The following TCERG1 variants were observed in gnomAD, a reference collection of about 807,000 sequenced individuals.
The protein encoded by TCERG1 is transcription elongation regulator 1, also known as TATA box binding protein (TBP)-associated factor, RNA polymerase II, S, 150kD.
Under a neutral mutation model 144.7 loss-of-function variants are expected in TCERG1, and 37 were observed. That is an observed-to-expected ratio of 0.26 (90% CI 0.20 to 0.34). The LOEUF is 0.34. TCERG1 is among the 10% of genes least tolerant of loss of function. TCERG1 has a pLI of 1.00. For synonymous variants in TCERG1, 492 were observed against 458.2 expected (o/e 1.07, Z -0.94); for missense variants, 1,027 against 1,380.7 (o/e 0.74, Z 4.06).
At position 146,503,942 on chromosome 5, in the gene TCERG1, G is replaced by A. The variant is rs1405826105; in HGVS notation, c.2717G>A (p.Arg906Gln). The A allele has an allele frequency of 1.9e-6, 3 of 1,610,424 alleles. No individual in the cohort carries two copies. Among genetic ancestry groups the A allele is most frequent in the Non-Finnish European group, 2.5e-6 (3 of 1,178,470 alleles). Residue 906 changes from arginine to glutamine, a missense_variant, in exon 19 of 23, where the codon CGA becomes CAA. Around this residue, in one of 6 missense-constraint regions of TCERG1, gnomAD observed 133 missense variants for 283.2 expected, o/e 0.47. Transcript: ENST00000679501. ...TCAGAACAAACAAAAGAAATAGATCGAGAGAGAGAGCAGCACAAACGAGAA... is the reference window on the plus strand; with the variant it reads ...TCAGAACAAACAAAAGAAATAGATCAAGAGAGAGAGCAGCACAAACGAGAA... ...ARSEQTKEID[R>Q]EREQHKREEA...
chr5:146,471,708 C>T lies in TCERG1; in HGVS notation c.1601+132C>T, dbSNP rs1581445880. The T allele has an allele frequency of 3.8e-5, 22 of 583,206 alleles. No individual in the cohort carries two copies. In the East Asian group the frequency reaches 6.6e-4, roughly 17 times the overall value. 36.1% of individuals were successfully genotyped at this position (583,206 alleles called of 1,614,324 possible). A position where few individuals can be genotyped will look rare whatever the true frequency, so the allele number is the denominator to read the frequency against. ...CCACCTCCCTAGTTCAAGCGATTCT[C>T]CTGCCTCAGCTTCCCGAATAGCTGG... On this transcript the variant is annotated intron_variant, in intron 9 of 22. Coordinates refer to ENST00000679501, the MANE Select transcript of TCERG1 (RefSeq NM_001382548.1).
At chr5:146,457,885 T>G (rs1015375149) in intron 3 of TCERG1, among the ~76,000 whole-genome samples, 1 of 152,248 alleles carries the variant, frequency 6.6e-6, no homozygotes, top group Non-Finnish European at 1.5e-5. Context: ...AGTTTCACCC[T>G]GTCGCCCAGG....
chr5:146,447,452 C>G (rs751311186), intron 1 of TCERG1, 44 bp downstream of exon 1: 25 of 1,591,572 alleles, frequency 1.6e-5, no homozygotes, highest in Admixed American at 1.2e-4. Context: ...CACGAGAGCC[C>G]CAGAGGCTAG....
intron 5 of TCERG1, among the ~76,000 whole-genome samples, 179 bp downstream of exon 5, chr5:146,463,972 G>C (rs1049664409): frequency 6.6e-6 from 1 of 151,908 alleles, no homozygotes; most frequent in Non-Finnish European, 1.5e-5. Flanking sequence ...TCCTTTTTTT[G>C]TTGTTGTTTA....
chr5:146,504,218 T>A (rs1329852864), intron 19 of TCERG1: 1 of 400,238 alleles, frequency 2.5e-6, no homozygotes, highest in Non-Finnish European at 4.3e-6. Flanking sequence ...GCATTTTGCA[T>A]ATATGGAAAG....
intron 1 of TCERG1, among the ~76,000 whole-genome samples, chr5:146,453,962 C>G (rs1371710728): frequency 6.6e-6 from 1 of 150,954 alleles, no homozygotes; most frequent in African/African-American, 2.4e-5. Flanking sequence ...CTTTGGGAGG[C>G]CGAGGAGGGC....
chr5:146,489,320 C>T (rs1766171237), intron 15 of TCERG1, among the ~76,000 whole-genome samples: 1 of 152,082 alleles, frequency 6.6e-6, no homozygotes, highest in Admixed American at 6.6e-5. Context: ...ACAGTAACCC[C>T]ATGAATATGT....
intron 3 of TCERG1, among the ~76,000 whole-genome samples, chr5:146,458,621 G>A (rs1262318921): frequency 6.6e-6 from 1 of 151,758 alleles, no homozygotes; most frequent in Non-Finnish European, 1.5e-5. Flanking sequence ...TACAGATGCC[G>A]GCCACCACAC....
At chr5:146,454,765 T>G (rs1258700660) in intron 1 of TCERG1, among the ~76,000 whole-genome samples, 1 of 151,990 alleles carries the variant, frequency 6.6e-6, no homozygotes, top group Non-Finnish European at 1.5e-5. Flanking sequence ...ACCTGGCTGA[T>G]TTTTGTATTT....
intron 16 of TCERG1, among the ~76,000 whole-genome samples, chr5:146,498,280 G>T (rs192456616): frequency 2.0e-5 from 3 of 151,696 alleles, no homozygotes; most frequent in Admixed American, 2.0e-4. Context: ...TTTACTCTGT[G>T]ATCTCTTTCT....
intron 1 of TCERG1, among the ~76,000 whole-genome samples, chr5:146,448,165 T>C (rs1184620161): frequency 2.0e-5 from 3 of 152,178 alleles, no homozygotes; most frequent in Non-Finnish European, 2.9e-5. Flanking sequence ...ACAGGTGAGA[T>C]AACAGCCTCG....
intron 1 of TCERG1, among the ~76,000 whole-genome samples, chr5:146,447,748 C>G (rs1762001202): frequency 6.6e-6 from 1 of 152,228 alleles, no homozygotes; most frequent in Admixed American, 6.5e-5. Flanking sequence ...CGACCTGAGT[C>G]TGTCCCCAGG....
At chr5:146,501,791 ACAGCCAATTAG>A (rs544324384) in intron 17 of TCERG1, among the ~76,000 whole-genome samples, 298 of 152,258 alleles carry the variant, frequency 2.0e-3, no homozygotes, top group Non-Finnish European at 3.5e-3. Context: ...GGAGAAATCC[ACAGCCAATTAG>A]CTGTTGTCTT....
At position 146,478,622 on chromosome 5, in the gene TCERG1, T is replaced by A. The variant is rs1482343318; in HGVS notation, c.1731T>A (p.His577Gln). The A allele has an allele frequency of 6.2e-7, 1 of 1,602,348 alleles. No homozygotes were observed. The highest frequency in any genetic ancestry group is 1.1e-5 in the South Asian group (1 of 88,318). Residue 577 changes from histidine to glutamine, a missense_variant, in exon 10 of 23, where the codon CAT (histidine) becomes CAA (glutamine). His to Gln is a conservative substitution (Grantham distance 24). Transcript: ENST00000679501. ...ACAAAATTATTCAGGAGCCCCCTCA[T>A]AAAAAAGGAATGGAGGAATTGAAGA... is the stretch of plus-strand genomic sequence containing the variant. ...DVDKIIQEPP[H>Q]KKGMEELKKL...
Position 146,510,762 on chromosome 5 carries a change from A to G in TCERG1, c.*120A>G, listed in dbSNP as rs1768397467. ...GAAACCATCTGACAAACAGAAGGAG[A>G]AGCATTTGTGAACAGTTTCTGAACA... On this transcript the variant is annotated 3_prime_UTR_variant, in exon 23 of 23. Transcript: ENST00000679501. The G allele has an allele frequency of 2.1e-6, 2 of 947,138 alleles. No homozygotes were observed. Among genetic ancestry groups the G allele is most frequent in the African/African-American group, 1.7e-5 (1 of 60,114 alleles). The allele number at this position is 947,138 out of a possible 1,614,324, so 58.7% of individuals were successfully genotyped here.
chr5:146,481,629 G>A (rs1412435078), intron 13 of TCERG1: 2 of 152,034 alleles, frequency 1.3e-5, no homozygotes, highest in East Asian at 3.8e-4. Flanking sequence ...CACATGTTCT[G>A]TTTTCCTAAT....
intron 3 of TCERG1, among the ~76,000 whole-genome samples, chr5:146,458,125 A>G (rs59990970): frequency 0.14 from 21,180 of 152,082 alleles, 2,486 homozygotes; most frequent in East Asian, 0.71. Context: ...TGCTGGGATT[A>G]CAGGCGTGAG....
chr5:146,464,262 A>G (rs1763584707), intron 5 of TCERG1, among the ~76,000 whole-genome samples: 1 of 152,188 alleles, frequency 6.6e-6, no homozygotes. Context: ...TACTTGCCCA[A>G]GGTCACATAG....
At chr5:146,457,388 T>TA in intron 3 of TCERG1, 53 bp downstream of exon 3, 14 of 1,503,048 alleles carry the variant, frequency 9.3e-6, no homozygotes, top group Non-Finnish European at 1.3e-5. Context: ...GAGTAAAACT[T>TA]AAAGAGTTCT....
Sources: allele counts gnomAD v4.1 joint callset (sites outside exome capture counted in the v4.1 genomes callset), GRCh38; gene constraint gnomAD v4.1.1; regional missense constraint gnomAD v4.1.1; transcripts MANE v1.5; gene names NCBI Gene and HGNC (gene_info 2026-07-23, HGNC 2026-07-21).